Variants in RBFOX1 observed in about 807,000 individuals in gnomAD.
RBFOX1 encodes RNA binding protein fox-1 homolog 1.
A neutral mutation model predicts 57.7 loss-of-function variants in RBFOX1; 8 were observed. The observed-to-expected ratio is 0.14, with a 90% CI of 0.08 to 0.25. RBFOX1 has a LOEUF of 0.25. Ranked by LOEUF, RBFOX1 falls within the 10% of genes least tolerant of loss-of-function variation. The pLI is 1.00. For synonymous variants in RBFOX1, 326 were observed against 222.4 expected, an observed-to-expected ratio of 1.47 and a Z score of -4.15; for missense variants, 611 against 548.5, an observed-to-expected ratio of 1.11 and a Z score of -1.14.
intron 3 of RBFOX1, among the ~76,000 whole-genome samples, chr16:6,988,736 T>TTTTTTTTG (rs1234957014): frequency 1.3e-5 from 1 of 75,304 alleles, no homozygotes; most frequent in Non-Finnish European, 2.4e-5. Flanking sequence ...AGCTAATTTT[T>TTTTTTTTG]TTTTTTGTTT....
At chr16:6,825,666 G>C (rs1024618690) in intron 3 of RBFOX1, among the ~76,000 whole-genome samples, 3 of 152,150 alleles carry the variant, frequency 2.0e-5, no homozygotes, top group African/African-American at 7.2e-5. Flanking sequence ...GAAAGCAGGA[G>C]TCTTGGATAG....
At chr16:6,743,295 A>G (rs774783746) in intron 3 of RBFOX1, among the ~76,000 whole-genome samples, 3 of 152,194 alleles carry the variant, frequency 2.0e-5, no homozygotes, top group Admixed American at 6.5e-5. Context: ...TGAAAAACCA[A>G]TAGGTTATAG....
chr16:6,856,827 C>A (rs2057998809), intron 3 of RBFOX1, among the ~76,000 whole-genome samples: 1 of 152,034 alleles, frequency 6.6e-6, no homozygotes, highest in Non-Finnish European at 1.5e-5. Flanking sequence ...GATTGTCAAA[C>A]CACTGATTGA....
At chr16:5,931,051 G>A (rs2059044997) in intron 4 of RBFOX1, among the ~76,000 whole-genome samples, 1 of 152,064 alleles carries the variant, frequency 6.6e-6, no homozygotes, top group African/African-American at 2.4e-5. Flanking sequence ...ATTTGTCCAA[G>A]AGTAGTCTAA....
intron 3 of RBFOX1, among the ~76,000 whole-genome samples, chr16:5,732,352 G>T (rs967692457): frequency 6.6e-5 from 10 of 152,184 alleles, no homozygotes; most frequent in South Asian, 2.1e-4. Context: ...AACCAACAAT[G>T]ACTGCCGGAC....
chr16:6,551,464 A>G (rs1369548622), intron 2 of RBFOX1, among the ~76,000 whole-genome samples: 2 of 152,238 alleles, frequency 1.3e-5, no homozygotes, highest in East Asian at 1.9e-4. Flanking sequence ...TACGCTGTCT[A>G]ACATAAGTAA....
At chr16:7,452,155 C>G (rs1317766825) in intron 4 of RBFOX1, among the ~76,000 whole-genome samples, 1 of 152,110 alleles carries the variant, frequency 6.6e-6, no homozygotes, top group Non-Finnish European at 1.5e-5. Flanking sequence ...ATGATCCAGC[C>G]AAGTTACAGG....
At chr16:7,609,320 G>A (rs978405030) in intron 10 of RBFOX1, among the ~76,000 whole-genome samples, 3 of 152,138 alleles carry the variant, frequency 2.0e-5, no homozygotes, top group African/African-American at 7.2e-5. Flanking sequence ...CGATGGAGTT[G>A]CCAGTCACCC....
intron 4 of RBFOX1, among the ~76,000 whole-genome samples, chr16:7,466,930 G>A (rs903796986): frequency 6.6e-6 from 1 of 152,152 alleles, no homozygotes; most frequent in African/African-American, 2.4e-5. Context: ...CCACAGGAGA[G>A]ACTGATTTAA....
chr16:7,120,856 CACAT>C (rs1415555725), intron 4 of RBFOX1, among the ~76,000 whole-genome samples: 1 of 149,482 alleles, frequency 6.7e-6, no homozygotes, highest in East Asian at 1.9e-4. Flanking sequence ...CACACACACA[CACAT>C]ACGTAAACAT....
chr16:5,879,819 C>G (rs1031566875), intron 4 of RBFOX1, among the ~76,000 whole-genome samples: 2 of 152,160 alleles, frequency 1.3e-5, no homozygotes, highest in Admixed American at 6.5e-5. Context: ...TGTGGCTTCT[C>G]TGGGTCAGTG....
At chr16:5,295,084 C>T (rs567808830) in intron 1 of RBFOX1, among the ~76,000 whole-genome samples, 102 of 138,118 alleles carry the variant, frequency 7.4e-4, no homozygotes, top group Non-Finnish European at 1.3e-3. Flanking sequence ...CTCAGTAAAA[C>T]AAGAAAGCTC....
chr16:6,312,825 A>G (rs1156654348), intron 1 of RBFOX1, among the ~76,000 whole-genome samples: 2 of 151,756 alleles, frequency 1.3e-5, no homozygotes, highest in African/African-American at 2.4e-5. Flanking sequence ...AATGTCTGCC[A>G]TATCCATAGC....
intron 4 of RBFOX1, among the ~76,000 whole-genome samples, chr16:5,876,596 G>A (rs933036874): frequency 4.6e-5 from 7 of 152,228 alleles, no homozygotes; most frequent in African/African-American, 1.7e-4. Context: ...AACCAGCCTC[G>A]TTGACTGCCT....
chr16:5,912,658 T>G (rs1203470466), intron 4 of RBFOX1, among the ~76,000 whole-genome samples: 1 of 152,206 alleles, frequency 6.6e-6, no homozygotes, highest in Non-Finnish European at 1.5e-5. Flanking sequence ...CCTATTTGCT[T>G]GCTGGGGTTT....
At chr16:6,735,107 T>G (rs1188598407) in intron 3 of RBFOX1, among the ~76,000 whole-genome samples, 1 of 152,110 alleles carries the variant, frequency 6.6e-6, no homozygotes, top group Non-Finnish European at 1.5e-5. Flanking sequence ...ATTAAACAAC[T>G]GTATACACTC....
At chr16:6,354,338 C>T (rs2086908675) in intron 2 of RBFOX1, among the ~76,000 whole-genome samples, 1 of 152,112 alleles carries the variant, frequency 6.6e-6, no homozygotes, top group Non-Finnish European at 1.5e-5. Context: ...CACCAGTCTC[C>T]AGCAGGACCC....
intron 3 of RBFOX1, among the ~76,000 whole-genome samples, chr16:6,879,553 G>C (rs902863496): frequency 5.3e-5 from 8 of 152,112 alleles, no homozygotes; most frequent in Admixed American, 3.9e-4. Flanking sequence ...TCACTATACA[G>C]GTAGATTCAA....
At chr16:7,249,726 T>C (rs2094439917) in intron 4 of RBFOX1, among the ~76,000 whole-genome samples, 1 of 152,204 alleles carries the variant, frequency 6.6e-6, no homozygotes, top group Non-Finnish European at 1.5e-5. Flanking sequence ...CTTTTTCTTG[T>C]GCTATCTCTG....
Sources: gnomAD v4.1 joint callset for allele counts (sites outside exome capture counted in the v4.1 genomes callset) on GRCh38, gnomAD v4.1.1 for gene constraint, MANE v1.5 for transcripts, NCBI Gene and HGNC (gene_info 2026-07-23, HGNC 2026-07-21) for gene names.